Variants in ROBO2 observed in about 807,000 individuals in gnomAD.
ROBO2 encodes roundabout homolog 2.
ROBO2 carries 53 observed loss-of-function variants against 160.8 expected under a neutral mutation model. The ratio of observed to expected loss-of-function variants is 0.33; its 90% confidence interval spans 0.26 to 0.41. ROBO2 has a LOEUF of 0.41. Among genes scored for constraint, ROBO2 ranks in the 10% least tolerant of loss-of-function variants. The pLI is 1.00. For synonymous variants in ROBO2, 664 were observed against 611.7 expected (o/e 1.09, Z -1.26); for missense variants, 1,577 against 1,722.4 (o/e 0.92, Z 1.49).
intron 2 of ROBO2, among the ~76,000 whole-genome samples, chr3:77,180,855 T>C (rs1029172655): frequency 9.9e-5 from 15 of 152,142 alleles, no homozygotes; most frequent in African/African-American, 2.6e-4. Context: ...TGACCCATAA[T>C]ATCTACCCAT....
At chr3:76,485,685 G>C (rs1473406738) in intron 2 of ROBO2, among the ~76,000 whole-genome samples, 4 of 152,030 alleles carry the variant, frequency 2.6e-5, no homozygotes, top group Non-Finnish European at 4.4e-5. Context: ...GTTTCTCACA[G>C]GTAAGGGTTG....
chr3:77,012,460 C>T (rs73108476), intron 2 of ROBO2, among the ~76,000 whole-genome samples: 8,001 of 152,148 alleles, frequency 0.053, 240 homozygotes, highest in Middle Eastern at 0.092. Flanking sequence ...CAAACCAATT[C>T]GAATAACATA....
rs1172325897 is a variant in ROBO2 at position 77,236,187 on chromosome 3, T to TA, written c.388+137850dup. Among the ~76,000 whole-genome samples, 5 of 152,178 alleles carry TA rather than the reference T, an allele frequency of 3.3e-5. No homozygotes were observed. The East Asian group carries it at 9.6e-4, about 29-fold the overall frequency. On this transcript the variant is annotated intron_variant, in intron 2 of 25. Coordinates refer to ENST00000461745, the Ensembl canonical transcript of ROBO2. The stretch of plus-strand genomic sequence containing the variant: ...TTCTGTCTGGAAAGTAGGGGCAACT[T>TA]AAACGTTTTCTAATTGGCAACTGGC...
At chr3:77,402,797 C>T (rs2153513691) in intron 2 of ROBO2, among the ~76,000 whole-genome samples, 1 of 152,112 alleles carries the variant, frequency 6.6e-6, no homozygotes, top group East Asian at 1.9e-4. Flanking sequence ...AGTACGCCGG[C>T]ACACGAAATC....
intron 2 of ROBO2, among the ~76,000 whole-genome samples, chr3:76,134,869 A>G (rs1349829922): frequency 6.6e-6 from 1 of 151,926 alleles, no homozygotes; most frequent in South Asian, 2.1e-4. Flanking sequence ...AAACCTCACA[A>G]AAAAAAATAA....
At chr3:76,063,084 G>A (rs1325762135) in intron 2 of ROBO2, among the ~76,000 whole-genome samples, 1 of 152,070 alleles carries the variant, frequency 6.6e-6, no homozygotes, top group African/African-American at 2.4e-5. Context: ...TCACATATCA[G>A]CTCATTTAAA....
At chr3:77,199,460 G>C (rs763922796) in intron 2 of ROBO2, among the ~76,000 whole-genome samples, 65 of 152,202 alleles carry the variant, frequency 4.3e-4, no homozygotes, top group Non-Finnish European at 1.5e-4. Flanking sequence ...AGCATATTCA[G>C]AGAAAAATCA....
intron 2 of ROBO2, among the ~76,000 whole-genome samples, chr3:76,060,800 C>A (rs529279159): frequency 4.4e-4 from 67 of 150,720 alleles, no homozygotes; most frequent in African/African-American, 1.6e-3. Context: ...TTGTCTGTGA[C>A]TCTTAACTTG....
chr3:76,419,185 T>C (rs2075884921), intron 2 of ROBO2, among the ~76,000 whole-genome samples: 1 of 152,156 alleles, frequency 6.6e-6, no homozygotes. Context: ...AATTATGTCA[T>C]CAAATGCCAC....
At chr3:76,986,905 A>T (rs996453159) in intron 2 of ROBO2, among the ~76,000 whole-genome samples, 1 of 152,224 alleles carries the variant, frequency 6.6e-6, no homozygotes, top group Non-Finnish European at 1.5e-5. Flanking sequence ...TACAACAAAC[A>T]GCTAGAAAGA....
chr3:76,403,425 T>C (rs1336632140), intron 2 of ROBO2, among the ~76,000 whole-genome samples: 1 of 151,682 alleles, frequency 6.6e-6, no homozygotes, highest in Non-Finnish European at 1.5e-5. Context: ...GCATTCATTC[T>C]TTTCTCTCAG....
Position 77,221,885 on chromosome 3 carries a change from G to C in ROBO2, c.388+123545G>C, listed in dbSNP as rs897638667. On this transcript the variant is annotated intron_variant, in intron 2 of 25. Transcript: ENST00000461745. ...TTTTTTTTTTTTGAGACAGAGTCTT[G>C]CTCTGTCACCAGTCTGTACTGCAGT... Among the ~76,000 whole-genome samples the C allele has an allele frequency of 2.6e-5, 3 of 115,386 alleles. No homozygotes were observed. In the Admixed American group the frequency reaches 3.2e-4, roughly 12 times the overall value. 75.7% of individuals were successfully genotyped at this position (115,386 alleles called of 152,430 possible).
chr3:76,989,182 T>G (rs1167963772), intron 2 of ROBO2, among the ~76,000 whole-genome samples: 1 of 152,134 alleles, frequency 6.6e-6, no homozygotes, highest in Non-Finnish European at 1.5e-5. Flanking sequence ...AAGGTAAGTT[T>G]CATAGAGTAG....
intron 2 of ROBO2, among the ~76,000 whole-genome samples, chr3:77,388,168 AC>A (rs2074334992): frequency 6.6e-6 from 1 of 151,958 alleles, no homozygotes; most frequent in Non-Finnish European, 1.5e-5. Flanking sequence ...ACACACACAC[AC>A]ACAAGCAGTT....
intron 2 of ROBO2, among the ~76,000 whole-genome samples, chr3:77,470,409 C>T (rs1380080282): frequency 1.3e-5 from 2 of 152,040 alleles, no homozygotes; most frequent in African/African-American, 2.4e-5. Flanking sequence ...GATGAATAGA[C>T]CCAGATGATA....
chr3:76,104,850 C>T (rs1296109677), intron 2 of ROBO2, among the ~76,000 whole-genome samples: 1 of 152,154 alleles, frequency 6.6e-6, no homozygotes, highest in African/African-American at 2.4e-5. Flanking sequence ...GAATCTTACC[C>T]ATAATTAGCT....
At chr3:77,037,094 T>C (rs186649042), upstream of ROBO2, among the ~76,000 whole-genome samples, 1 of 152,304 alleles carries the variant, frequency 6.6e-6, no homozygotes. Context: ...TTGGAATTAA[T>C]GTTGTCCATA....
chr3:77,004,794 A>G (rs1211371714), intron 2 of ROBO2, among the ~76,000 whole-genome samples: 1 of 152,160 alleles, frequency 6.6e-6, no homozygotes, highest in Non-Finnish European at 1.5e-5. Context: ...CATTCCTTCT[A>G]TAAAGTTAGA....
chr3:76,264,785 T>C (rs1162934392), intron 2 of ROBO2, among the ~76,000 whole-genome samples: 4 of 152,168 alleles, frequency 2.6e-5, no homozygotes, highest in Non-Finnish European at 5.9e-5. Flanking sequence ...TAGCCCATAC[T>C]ACTCTTCTCA....
Sources: gnomAD v4.1 joint callset for allele counts (sites outside exome capture counted in the v4.1 genomes callset) on GRCh38, gnomAD v4.1.1 for gene constraint, MANE v1.5 for transcripts, NCBI Gene and HGNC (gene_info 2026-07-23, HGNC 2026-07-21) for gene names.